The following SORBS2 variants were observed in gnomAD, a reference collection of about 807,000 sequenced individuals.
SORBS2 encodes the protein sorbin and SH3 domain-containing protein 2.
Under a neutral mutation model 97.7 loss-of-function variants are expected in SORBS2, and 46 were observed. That is an observed-to-expected ratio of 0.47 (90% confidence interval 0.37 to 0.60). The LOEUF is 0.60. Among genes scored for constraint, SORBS2 ranks in the 20% least tolerant of loss-of-function variants. The probability of loss-of-function intolerance (pLI) is 0.00; values close to 1 mark genes in which losing one functional copy is unlikely to be tolerated. For synonymous variants in SORBS2, 476 were observed against 473.4 expected, an observed-to-expected ratio of 1.01 and a Z score of -0.07; for missense variants, 1,316 against 1,282.3, an observed-to-expected ratio of 1.03 and a Z score of -0.40.
At chr4:185,758,440 C>A (rs1434568261) in intron 2 of SORBS2, among the ~76,000 whole-genome samples, 1 of 152,114 alleles carries the variant, frequency 6.6e-6, no homozygotes, top group East Asian at 1.9e-4. Flanking sequence ...TAGGGTTCTC[C>A]TCCTCCTCCT....
Position 185,854,785 on chromosome 4 carries a change from A to AAGAGAGAGAGAG in SORBS2, c.-337-79431_-337-79420dup, listed in dbSNP as rs10560938. 4.3e-4 allele frequency among the ~76,000 whole-genome samples: 65 copies of AAGAGAGAGAGAG among 149,796 alleles called. No homozygotes were observed. In the South Asian group the frequency reaches 7.7e-3, roughly 18 times the overall value. On this transcript the variant is annotated intron_variant, in intron 1 of 20. Transcript: ENST00000284776. ...AGAAGCTGCACAAAGAGAAATAGAG[A>AAGAGAGAGAGAG]AGAGAGAGAGAGAGAGAGAGAGAGA...
chr4:185,852,314 C>T (rs1579192279), intron 1 of SORBS2, among the ~76,000 whole-genome samples: 2 of 152,180 alleles, frequency 1.3e-5, no homozygotes, highest in East Asian at 1.9e-4. Flanking sequence ...CAGCCCATTG[C>T]TGTAGGTTCA....
chr4:185,827,820 C>T (rs911726419), intron 1 of SORBS2, among the ~76,000 whole-genome samples: 3 of 137,920 alleles, frequency 2.2e-5, no homozygotes, highest in African/African-American at 5.4e-5. Flanking sequence ...CCATCATCAC[C>T]GTCACCATCA....
chr4:185,779,802 C>G (rs1010107464), intron 1 of SORBS2, among the ~76,000 whole-genome samples: 1 of 152,178 alleles, frequency 6.6e-6, no homozygotes, highest in African/African-American at 2.4e-5. Context: ...GTGTCATTCT[C>G]TTAGTCAAAT....
intron 2 of SORBS2, among the ~76,000 whole-genome samples, chr4:185,740,764 C>A (rs2098718614): frequency 6.7e-6 from 1 of 149,774 alleles, no homozygotes; most frequent in African/African-American, 2.5e-5. Context: ...CAGCCCAACG[C>A]TAACTCAGCC....
intron 2 of SORBS2, among the ~76,000 whole-genome samples, chr4:185,704,358 G>A (rs143285603): frequency 6.7e-4 from 101 of 151,732 alleles, no homozygotes; most frequent in African/African-American, 1.8e-3. Context: ...TCACTCTGTC[G>A]CCCAGGCTGG....
At chr4:185,696,084 T>C (rs1318410901) in intron 2 of SORBS2, among the ~76,000 whole-genome samples, 9 of 152,138 alleles carry the variant, frequency 5.9e-5, no homozygotes, top group Non-Finnish European at 5.9e-5. Flanking sequence ...TTCAACATCA[T>C]TTCTAGGAAT....
intron 1 of SORBS2, among the ~76,000 whole-genome samples, chr4:185,783,252 A>G (rs1001704804): frequency 1.3e-5 from 2 of 152,224 alleles, no homozygotes; most frequent in African/African-American, 4.8e-5. Flanking sequence ...TAAATGAATG[A>G]GGCTGGAAAC....
At chr4:185,764,623 G>A (rs920945782) in intron 2 of SORBS2, among the ~76,000 whole-genome samples, 3 of 152,098 alleles carry the variant, frequency 2.0e-5, no homozygotes, top group Admixed American at 6.6e-5. Context: ...ATGTATTTAT[G>A]TTTTACATAG....
At chr4:185,759,508 C>T (rs1045298638) in intron 2 of SORBS2, among the ~76,000 whole-genome samples, 77 of 152,096 alleles carry the variant, frequency 5.1e-4, no homozygotes, top group African/African-American at 6.5e-4. Flanking sequence ...GTAGGGAGAA[C>T]GCAGGTGCAA....
intron 2 of SORBS2, among the ~76,000 whole-genome samples, chr4:185,759,703 G>A (rs1408179846): frequency 6.6e-6 from 1 of 151,940 alleles, no homozygotes; most frequent in Non-Finnish European, 1.5e-5. Flanking sequence ...AATGCTCTAA[G>A]AATCATCCCC....
At chr4:185,610,555 T>G (rs1181873771) in intron 12 of SORBS2, among the ~76,000 whole-genome samples, 1 of 152,110 alleles carries the variant, frequency 6.6e-6, no homozygotes, top group Non-Finnish European at 1.5e-5. Context: ...ATAAATAAAA[T>G]GCCAAGACTT....
At chr4:185,876,357 C>T (rs959840593) in intron 1 of SORBS2, among the ~76,000 whole-genome samples, 6 of 152,278 alleles carry the variant, frequency 3.9e-5, no homozygotes, top group African/African-American at 1.2e-4. Flanking sequence ...ATCCACCTGC[C>T]TCAGTCTCCC....
intron 1 of SORBS2, among the ~76,000 whole-genome samples, chr4:185,914,660 T>A (rs2099257109): frequency 6.6e-6 from 1 of 152,220 alleles, no homozygotes; most frequent in Non-Finnish European, 1.5e-5. Flanking sequence ...ACATTATGCA[T>A]TTTTTGGGTT....
intron 1 of SORBS2, among the ~76,000 whole-genome samples, chr4:185,789,569 CTTA>C (rs759873017): frequency 2.1e-4 from 32 of 150,232 alleles, no homozygotes; most frequent in Non-Finnish European, 4.1e-4. Flanking sequence ...AATATAATTT[CTTA>C]TAATGTTTAA....
chr4:185,637,761 A>G (rs570325117), intron 4 of SORBS2, among the ~76,000 whole-genome samples: 1 of 152,198 alleles, frequency 6.6e-6, no homozygotes, highest in East Asian at 1.9e-4. Context: ...TAGACTGTAA[A>G]CAAATACAAA....
Position 185,612,616 on chromosome 4 carries a change from G to A in SORBS2, c.2596-636C>T, listed in dbSNP as rs547277389. ...GAATTCTCTTGCCTCAGCCTACCAA[G>A]TAGCTGGGATTACAGGCGCCCGCCA... On this transcript the variant is annotated intron_variant, in intron 11 of 14. Coordinates refer to ENST00000418609, the Ensembl canonical transcript of SORBS2. Among the ~76,000 whole-genome samples the A allele has an allele frequency of 1.4e-4, 21 of 151,532 alleles. No individual in the cohort carries two copies. In the South Asian group the frequency reaches 3.3e-3, roughly 24 times the overall value.
intron 12 of SORBS2, among the ~76,000 whole-genome samples, chr4:185,603,166 C>T (rs535231980): frequency 2.0e-5 from 3 of 152,180 alleles, no homozygotes; most frequent in East Asian, 3.9e-4. Flanking sequence ...ATGGTGCGTC[C>T]TCCGTCTTTC....
chr4:185,656,585 A>C (rs1301131412), intron 1 of SORBS2: 2 of 1,472,624 alleles, frequency 1.4e-6, no homozygotes, highest in Non-Finnish European at 9.3e-7. Context: ...ATGCAGCTGC[A>C]GTCCCTCCCC....
Sources: gnomAD v4.1 joint callset for allele counts (sites outside exome capture counted in the v4.1 genomes callset) on GRCh38, gnomAD v4.1.1 for gene constraint, MANE v1.5 for transcripts, NCBI Gene and HGNC (gene_info 2026-07-23, HGNC 2026-07-21) for gene names.